RERE: variants seen among roughly 807,000 people sequenced by gnomAD.
The protein encoded by RERE is arginine-glutamic acid dipeptide repeats, also known as arginine-glutamic acid dipeptide repeats protein.
A neutral mutation model predicts 146.1 loss-of-function variants in RERE; 40 were observed. The ratio of observed to expected loss-of-function variants is 0.27; its 90% CI spans 0.21 to 0.36. The LOEUF is 0.36. RERE is among the 10% of genes least tolerant of loss of function. RERE has a pLI of 1.00. For missense variants in RERE, 1,933 were observed against 2,138.7 expected (o/e 0.90, Z 1.90); for synonymous variants, 1,003 against 866.0 (o/e 1.16, Z -2.78).
At chr1:8,539,612 G>A (rs946507971) in intron 7 of RERE, among the ~76,000 whole-genome samples, 4 of 152,090 alleles carry the variant, frequency 2.6e-5, no homozygotes, top group African/African-American at 9.7e-5. Context: ...CACCACGTTG[G>A]CCAGGCTGGT....
At chr1:8,405,163 G>A (rs1643403189) in intron 12 of RERE, among the ~76,000 whole-genome samples, 1 of 152,216 alleles carries the variant, frequency 6.6e-6, no homozygotes, top group Non-Finnish European at 1.5e-5. Context: ...GCATGGCTCT[G>A]CTGGTAGCGG....
intron 12 of RERE, among the ~76,000 whole-genome samples, chr1:8,399,818 T>C (rs1055216901): frequency 1.3e-5 from 2 of 151,758 alleles, no homozygotes; most frequent in African/African-American, 2.4e-5. Context: ...AAAAAAAAAA[T>C]AAAGAATTTG....
chr1:8,397,321 G>C (rs1570137973), intron 12 of RERE, among the ~76,000 whole-genome samples: 1 of 146,764 alleles, frequency 6.8e-6, no homozygotes, highest in Non-Finnish European at 1.5e-5. Flanking sequence ...TGCATAATAA[G>C]AGCTCAATCA....
chr1:8,815,462 G>C (rs766865193), intron 1 of RERE, among the ~76,000 whole-genome samples: 1 of 152,074 alleles, frequency 6.6e-6, no homozygotes, highest in Non-Finnish European at 1.5e-5. Flanking sequence ...AAATACAAAA[G>C]CAATGAGAGC....
intron 11 of RERE, among the ~76,000 whole-genome samples, chr1:8,440,393 C>A (rs1471044826): frequency 6.6e-6 from 1 of 151,738 alleles, no homozygotes; most frequent in Non-Finnish European, 1.5e-5. Flanking sequence ...AGATCGAGAC[C>A]ATCCTGGCCA....
intron 10 of RERE, among the ~76,000 whole-genome samples, chr1:8,490,713 C>T (rs570826797): frequency 8.0e-5 from 12 of 149,892 alleles, no homozygotes; most frequent in South Asian, 6.3e-4. Context: ...TAACATTCCG[C>T]GAAATGCAAA....
intron 2 of RERE, among the ~76,000 whole-genome samples, chr1:8,625,494 C>A (rs542921980): frequency 2.6e-5 from 4 of 152,220 alleles, no homozygotes; most frequent in Admixed American, 6.5e-5. Context: ...TTTGCATAGA[C>A]AGGGCCTCAC....
chr1:8,478,434 C>T (rs1355805141), intron 10 of RERE, among the ~76,000 whole-genome samples: 1 of 152,190 alleles, frequency 6.6e-6, no homozygotes, highest in Non-Finnish European at 1.5e-5. Flanking sequence ...CTCCAAAGTG[C>T]TGCAGTGGCT....
chr1:8,668,963 T>TGTGTGTGTG lies in RERE; in HGVS notation c.-144-12523_-144-12522insCACACACAC, dbSNP rs1553130735. Among the ~76,000 whole-genome samples, 97 of 42,338 alleles carry TGTGTGTGTG rather than the reference T, an allele frequency of 2.3e-3. 2 individuals carry two copies. Among genetic ancestry groups the TGTGTGTGTG allele is most frequent in the East Asian group, 3.1e-3 (2 of 638 alleles). 27.8% of individuals were successfully genotyped at this position (42,338 alleles called of 152,430 possible). A position where few individuals can be genotyped will look rare whatever the true frequency, so the allele number is the denominator to read the frequency against. On this transcript the variant is annotated intron_variant, in intron 1 of 22. Coordinates refer to ENST00000400908, the MANE Select transcript of RERE (RefSeq NM_001042681.2). ...GTGTGTGTGTGTGTGTGTGTGTGTG[T>TGTGTGTGTG]TGTGTTTTTAAGACAGGGTCTCACT...
At chr1:8,417,890 A>G (rs1643821701) in intron 12 of RERE, among the ~76,000 whole-genome samples, 1 of 152,220 alleles carries the variant, frequency 6.6e-6, no homozygotes, top group Admixed American at 6.5e-5. Context: ...CTTTGTTCAT[A>G]GTATTTCCTA....
chr1:8,452,741 A>G (rs1488361609), intron 11 of RERE, among the ~76,000 whole-genome samples: 1 of 152,218 alleles, frequency 6.6e-6, no homozygotes, highest in African/African-American at 2.4e-5. Context: ...ATTCAGTATA[A>G]GATGAAAAAT....
intron 4 of RERE, among the ~76,000 whole-genome samples, chr1:8,575,561 A>ATTTTT (rs57463625): frequency 2.0e-5 from 2 of 98,680 alleles, no homozygotes; most frequent in Non-Finnish European, 3.8e-5. Context: ...ATATATATAT[A>ATTTTT]TTTTTTTTTT....
rs1173642012 is a variant in RERE at position 8,353,680 on chromosome 1, A to C, written c.*1407T>G. The C allele has an allele frequency of 6.6e-6, 1 of 152,224 alleles. No individual in the cohort carries two copies. Among genetic ancestry groups the C allele is most frequent in the African/African-American group, 2.4e-5 (1 of 41,434 alleles). 9.4% of individuals were successfully genotyped at this position (152,224 alleles called of 1,614,324 possible). Reference sequence around the variant, plus strand: ...GCTCAGAAGGGCCTGGCCTCCTGAGAAGCAGCCCCCACACAGCATGCTTTC... The same window carrying C: ...GCTCAGAAGGGCCTGGCCTCCTGAGCAGCAGCCCCCACACAGCATGCTTTC... On this transcript the variant is annotated 3_prime_UTR_variant, in exon 23 of 23. Transcript: ENST00000400908.
intron 7 of RERE, among the ~76,000 whole-genome samples, chr1:8,515,128 T>A (rs922862821): frequency 2.0e-5 from 3 of 152,100 alleles, no homozygotes; most frequent in Non-Finnish European, 2.9e-5. Flanking sequence ...CCCAGCACTC[T>A]GGGACGCTGA....
chr1:8,535,935 CT>C (rs1192947718), intron 7 of RERE, among the ~76,000 whole-genome samples: 1 of 151,690 alleles, frequency 6.6e-6, no homozygotes, highest in African/African-American at 2.4e-5. Context: ...GTGAAACCCC[CT>C]CTCTACTAAA....
chr1:8,518,109 G>C (rs572628903), intron 7 of RERE, among the ~76,000 whole-genome samples: 1 of 152,304 alleles, frequency 6.6e-6, no homozygotes, highest in East Asian at 1.9e-4. Flanking sequence ...CACCAAAGAC[G>C]CCCAAAGATC....
In RERE at chr1:8,611,692, G is replaced by A. The variant is rs546902507; in HGVS notation, c.522+2869C>T. 5.3e-5 allele frequency among the ~76,000 whole-genome samples: 8 copies of A among 152,304 alleles called. No individual in the cohort carries two copies. The South Asian group carries it at 1.7e-3, about 32-fold the overall frequency. ...GTCCTTGATCTTCTAGTGAGGAAGA[G>A]GATGGGTGCAGCCAACATGAGTCCT... On this transcript the variant is annotated intron_variant, in intron 4 of 22. Transcript: ENST00000400908.
In RERE at chr1:8,513,958, G is replaced by A. The variant is rs192475121; in HGVS notation, c.831-5283C>T. On this transcript the variant is annotated intron_variant, in intron 7 of 22. Coordinates refer to ENST00000400908, the MANE Select transcript of RERE (RefSeq NM_001042681.2). Reference sequence around the variant, plus strand: ...CTCAGATGTGATTTTGTAATGTCATGCATTGGTTTTATAGAGAATGTCAGT... The same window carrying A: ...CTCAGATGTGATTTTGTAATGTCATACATTGGTTTTATAGAGAATGTCAGT... Among the ~76,000 whole-genome samples the A allele has an allele frequency of 1.6e-3, 246 of 152,262 alleles. 4 individuals carry two copies. In the East Asian group the frequency reaches 0.017, roughly 11 times the overall value.
intron 10 of RERE, among the ~76,000 whole-genome samples, chr1:8,478,082 A>G (rs1000340906): frequency 7.2e-5 from 11 of 152,254 alleles, no homozygotes; most frequent in African/African-American, 2.7e-4. Flanking sequence ...TAGTTACCTC[A>G]CAATTCTAGC....
Sources: gnomAD v4.1 joint callset for allele counts (sites outside exome capture counted in the v4.1 genomes callset) on GRCh38, gnomAD v4.1.1 for gene constraint, MANE v1.5 for transcripts, NCBI Gene and HGNC (gene_info 2026-07-23, HGNC 2026-07-21) for gene names.